Variants in PPP6R3 observed in about 807,000 individuals in gnomAD.
The protein encoded by PPP6R3 is protein phosphatase 6 regulatory subunit 3.
A neutral mutation model predicts 110.7 loss-of-function variants in PPP6R3; 38 were observed. The ratio of observed to expected loss-of-function variants is 0.34; its 90% CI spans 0.26 to 0.45. The LOEUF (loss-of-function observed/expected upper bound fraction) is 0.45. Ranked by LOEUF, PPP6R3 falls within the 20% of genes least tolerant of loss-of-function variation. The pLI, the probability that PPP6R3 is intolerant of heterozygous loss-of-function variation, is 1.00. For missense variants in PPP6R3, 870 were observed against 1,062.4 expected (o/e 0.82, Z 2.52); for synonymous variants, 369 against 373.5 (o/e 0.99, Z 0.14).
At chr11:68,581,227 T>A (rs871212) in intron 14 of PPP6R3, among the ~76,000 whole-genome samples, 39,083 of 152,182 alleles carry the variant, frequency 0.26, 5,271 homozygotes, top group Middle Eastern at 0.33. Context: ...TGGAGAAAGC[T>A]TTTTTAAATA....
chr11:68,561,734 A>G (rs1187833735), intron 8 of PPP6R3, among the ~76,000 whole-genome samples: 1 of 152,210 alleles, frequency 6.6e-6, no homozygotes, highest in Non-Finnish European at 1.5e-5. Flanking sequence ...TTAGAAGGGA[A>G]CTTGGATGAA....
intron 1 of PPP6R3, among the ~76,000 whole-genome samples, chr11:68,473,016 G>C (rs916655094): frequency 6.6e-6 from 1 of 152,128 alleles, no homozygotes; most frequent in Non-Finnish European, 1.5e-5. Flanking sequence ...TGTTTCCTTT[G>C]AAATATATAG....
chr11:68,528,340 C>T (rs1004994725), intron 2 of PPP6R3, among the ~76,000 whole-genome samples: 2 of 149,942 alleles, frequency 1.3e-5, no homozygotes, highest in East Asian at 2.0e-4. Context: ...TGCAGAGATA[C>T]GATAAAACTG....
intron 1 of PPP6R3, among the ~76,000 whole-genome samples, chr11:68,490,996 G>A (rs1369057970): frequency 6.6e-6 from 1 of 152,062 alleles, no homozygotes; most frequent in African/African-American, 2.4e-5. Context: ...GACCAACCTG[G>A]TCAACTTGAT....
chr11:68,539,070 G>T (rs1021981420), intron 3 of PPP6R3, among the ~76,000 whole-genome samples: 1 of 152,206 alleles, frequency 6.6e-6, no homozygotes, highest in African/African-American at 2.4e-5. Flanking sequence ...ACCTACTAGT[G>T]TGCTGTCATC....
At chr11:68,472,659 C>T (rs1565238219) in intron 1 of PPP6R3, among the ~76,000 whole-genome samples, 2 of 151,458 alleles carry the variant, frequency 1.3e-5, no homozygotes, top group East Asian at 3.9e-4. Flanking sequence ...AAGTAATTCA[C>T]AGACTATTCA....
chr11:68,551,358 C>G (rs2099374531), intron 6 of PPP6R3, 172 bp downstream of exon 6: 1 of 566,722 alleles, frequency 1.8e-6, no homozygotes, highest in Admixed American at 3.5e-5. Context: ...TTACATTTTG[C>G]CAATACTCAG....
intron 2 of PPP6R3, among the ~76,000 whole-genome samples, chr11:68,528,879 A>G (rs1170597270): frequency 1.3e-5 from 2 of 152,210 alleles, no homozygotes; most frequent in Admixed American, 1.3e-4. Context: ...GGAAGTCCTC[A>G]GCCTCCAGGT....
At position 68,554,225 on chromosome 11, in the gene PPP6R3, A is replaced by T. The variant is rs749760103; in HGVS notation, c.699A>T (p.Thr233=). ...RDQMLQIQNS[T]EPDPLLATLE... Reference sequence around the variant, plus strand: ...AGATGTTACAAATTCAGAACAGTACAGAGCCCGACCCCCTGCTTGCCACTC... The same window carrying T: ...AGATGTTACAAATTCAGAACAGTACTGAGCCCGACCCCCTGCTTGCCACTC... The change falls in exon 7 of 24, where the codon ACA becomes ACT. Residue 233 remains threonine (T), a synonymous_variant. Transcript: ENST00000393800. 1.2e-6 allele frequency: 2 copies of T among 1,613,536 alleles called. No homozygotes were observed. The highest frequency in any genetic ancestry group is 3.3e-5 in the Admixed American group (2 of 59,952).
chr11:68,469,518 C>CACAT (rs1376065243), intron 1 of PPP6R3, among the ~76,000 whole-genome samples: 1 of 151,798 alleles, frequency 6.6e-6, no homozygotes, highest in Non-Finnish European at 1.5e-5. Flanking sequence ...GGACTGTAGG[C>CACAT]ACATGCTACT....
At chr11:68,511,214 G>A (rs1040646877) in intron 1 of PPP6R3, among the ~76,000 whole-genome samples, 2 of 150,776 alleles carry the variant, frequency 1.3e-5, no homozygotes, top group South Asian at 2.1e-4. Context: ...ATTAAGGCAC[G>A]CGCCACCACG....
intron 10 of PPP6R3, among the ~76,000 whole-genome samples, chr11:68,569,222 T>C (rs1331244869): frequency 6.6e-6 from 1 of 152,214 alleles, no homozygotes; most frequent in Non-Finnish European, 1.5e-5. Flanking sequence ...AGTTCTGGCA[T>C]GTCAGATAAG....
chr11:68,478,895 A>G (rs2098869910), intron 1 of PPP6R3, among the ~76,000 whole-genome samples: 1 of 151,976 alleles, frequency 6.6e-6, no homozygotes, highest in African/African-American at 2.4e-5. Context: ...TGACATCGTG[A>G]TCCACCTGCC....
intron 1 of PPP6R3, among the ~76,000 whole-genome samples, chr11:68,485,615 C>T (rs2098942025): frequency 6.6e-6 from 1 of 152,098 alleles, no homozygotes; most frequent in Non-Finnish European, 1.5e-5. Flanking sequence ...TTATTAAATG[C>T]CTTTTCTGCA....
Position 68,588,027 on chromosome 11 carries a change from G to A in PPP6R3, c.1730+3G>A. 1 of 1,611,922 alleles carries A rather than the reference G, an allele frequency of 6.2e-7. No homozygotes were observed. Among genetic ancestry groups the A allele is most frequent in the Non-Finnish European group, 8.5e-7 (1 of 1,177,974 alleles). On this transcript the variant is annotated splice_donor_region_variant and intron_variant, in intron 16 of 23. Transcript: ENST00000393800. ...GCAGATCAAGATGACATTGGCAAGT[G>A]AGTATGTTTTTCTGTTTCCGCTGTT... is the stretch of plus-strand genomic sequence containing the variant.
intron 4 of PPP6R3, among the ~76,000 whole-genome samples, chr11:68,547,378 A>G (rs1448932016): frequency 6.6e-6 from 1 of 152,218 alleles, no homozygotes; most frequent in Non-Finnish European, 1.5e-5. Context: ...GGCAGAGGCA[A>G]CAAGGCTGTA....
At chr11:68,528,641 G>A (rs1302885511) in intron 2 of PPP6R3, among the ~76,000 whole-genome samples, 1 of 152,090 alleles carries the variant, frequency 6.6e-6, no homozygotes, top group Admixed American at 6.6e-5. Flanking sequence ...GCTGTCAGGG[G>A]GAAGAGTTTC....
rs1593422221 is a variant in PPP6R3 at position 68,575,820 on chromosome 11, C to T, written c.1460-138C>T. ...TAAGAGCACTGGGCTGGCTGTCACC[C>T]AGTTTCTCAGCTGATAGGGCCTGCT... On this transcript the variant is annotated intron_variant, in intron 13 of 23. Coordinates refer to ENST00000393800, the MANE Select transcript of PPP6R3 (RefSeq NM_001164161.2). 4 of 589,000 alleles carry T rather than the reference C, an allele frequency of 6.8e-6. No individual in the cohort carries two copies. In the East Asian group the frequency reaches 8.7e-5, roughly 13 times the overall value. The allele number at this position is 589,000 out of a possible 1,614,324, so 36.5% of individuals were successfully genotyped here.
At chr11:68,539,647 A>G (rs974025594) in intron 3 of PPP6R3, among the ~76,000 whole-genome samples, 1 of 152,224 alleles carries the variant, frequency 6.6e-6, no homozygotes, top group Middle Eastern at 3.2e-3. Flanking sequence ...GGGATCTGAA[A>G]GTGCTTTAGG....
Sources: gnomAD v4.1 joint callset for allele counts (sites outside exome capture counted in the v4.1 genomes callset) on GRCh38, gnomAD v4.1.1 for gene constraint, MANE v1.5 for transcripts, NCBI Gene and HGNC (gene_info 2026-07-23, HGNC 2026-07-21) for gene names.